Variants in MYCBP2 observed in about 807,000 individuals in gnomAD.
MYCBP2 encodes MYC binding protein 2, also known as E3 ubiquitin-protein ligase MYCBP2.
A neutral mutation model predicts 525.3 loss-of-function variants in MYCBP2; 120 were observed. The ratio of observed to expected loss-of-function variants is 0.23; its 90% confidence interval spans 0.20 to 0.27. The LOEUF (loss-of-function observed/expected upper bound fraction) is 0.27. Among genes scored for constraint, MYCBP2 ranks in the 10% least tolerant of loss-of-function variants. The pLI, the probability that MYCBP2 is intolerant of heterozygous loss-of-function variation, is 1.00. For synonymous variants in MYCBP2, 1,894 were observed against 1,955.8 expected (o/e 0.97, Z 0.83); for missense variants, 4,149 against 5,657.1 (o/e 0.73, Z 8.55).
At chr13:77,311,916 T>C (rs2080287588) in intron 1 of MYCBP2, among the ~76,000 whole-genome samples, 1 of 151,956 alleles carries the variant, frequency 6.6e-6, no homozygotes, top group South Asian at 2.1e-4. Context: ...TCAAAGAGGA[T>C]AAACTTAAAG....
rs756617580 is a variant in MYCBP2, at chr13:77,097,777, T to A, written c.9377A>T (p.Glu3126Val). The change falls in exon 56 of 83, where the codon GAA becomes GTA. Residue 3126 changes from glutamate to valine, a missense_variant. Transcript: ENST00000544440. ...NKNKVLSMLK[E>V]PPLHEKCEDG... is the part of the protein sequence containing the mutation. ...CTCACATTTTTCATGCAGAGGTGGT[T>A]CCTTAAGCATAGACAATACCTTGTT... 1 of 1,613,732 alleles carries A rather than the reference T, an allele frequency of 6.2e-7. No individual in the cohort carries two copies. The highest frequency in any genetic ancestry group is 8.5e-7 in the Non-Finnish European group (1 of 1,179,808).
At chr13:77,153,494 A>T (rs1411775878) in intron 46 of MYCBP2, among the ~76,000 whole-genome samples, 1 of 152,236 alleles carries the variant, frequency 6.6e-6, no homozygotes, top group Non-Finnish European at 1.5e-5. Context: ...ATTTTTATAC[A>T]TACTATTTCA....
rs141783311 is a variant in MYCBP2 at position 77,273,587 on chromosome 13, A to T, written c.830T>A (p.Leu277His). 3 of 1,613,710 alleles carry T rather than the reference A, an allele frequency of 1.9e-6. No individual in the cohort carries two copies. Among genetic ancestry groups the T allele is most frequent in the Non-Finnish European group, 2.5e-6 (3 of 1,179,844 alleles). Residue 277 changes from leucine (L) to histidine (H), a missense_variant, in exon 5 of 83, where the codon CTT (leucine) becomes CAT (histidine). Around this residue, in one of 21 missense-constraint regions of MYCBP2, gnomAD observed 413 missense variants for 451.2 expected, o/e 0.92. Coordinates refer to ENST00000544440, the MANE Select transcript of MYCBP2 (RefSeq NM_015057.5). ...NDSTGQSLTA[L>H]SCACLFSLVA... Reference sequence around the variant, plus strand: ...CAGACTAAAGAGGCAAGCACAGGAAAGTGCTGTTAAGGACTGTCCTGTGCT... The same window carrying T: ...CAGACTAAAGAGGCAAGCACAGGAATGTGCTGTTAAGGACTGTCCTGTGCT...
intron 69 of MYCBP2, among the ~76,000 whole-genome samples, chr13:77,069,880 A>T (rs1193638073): frequency 6.6e-6 from 1 of 151,862 alleles, no homozygotes; most frequent in Non-Finnish European, 1.5e-5. Context: ...AAAAAAAAAA[A>T]GTTAGAATAA....
At chr13:77,171,140 A>C (rs1028390532) in intron 38 of MYCBP2, among the ~76,000 whole-genome samples, 2 of 152,224 alleles carry the variant, frequency 1.3e-5, no homozygotes, top group Admixed American at 6.5e-5. Flanking sequence ...AGGGTACCCC[A>C]GAGTTTTGGG....
chr13:77,070,363 T>C (rs1376715465), intron 69 of MYCBP2, among the ~76,000 whole-genome samples: 1 of 152,214 alleles, frequency 6.6e-6, no homozygotes, highest in Non-Finnish European at 1.5e-5. Context: ...GCTTTGAATG[T>C]GGCCCAACAC....
At chr13:77,061,048 C>A in intron 76 of MYCBP2, 121 bp downstream of exon 76, 9 of 1,082,526 alleles carry the variant, frequency 8.3e-6, no homozygotes, top group Non-Finnish European at 1.2e-5. Context: ...ATATATAGAT[C>A]AATGATGTCA....
intron 44 of MYCBP2, 95 bp from the exon 45 acceptor site, chr13:77,158,204 A>G: frequency 2.9e-6 from 2 of 681,278 alleles, no homozygotes; most frequent in South Asian, 8.0e-5. Context: ...ATAGGCCTTT[A>G]CGGAGAAATC....
chr13:77,184,310 T>C (rs977043145), intron 32 of MYCBP2, among the ~76,000 whole-genome samples: 3 of 152,260 alleles, frequency 2.0e-5, no homozygotes, highest in African/African-American at 7.2e-5. Flanking sequence ...TCCTTTGCTA[T>C]TGATTTTTAC....
rs768527820 is a variant in MYCBP2, at chr13:77,267,860, A to T, written c.1338T>A (p.Asp446Glu). The T allele has an allele frequency of 6.2e-7, 1 of 1,613,430 alleles. No individual in the cohort carries two copies. Among genetic ancestry groups the T allele is most frequent in the Non-Finnish European group, 8.5e-7 (1 of 1,179,554 alleles). ...IRISPETLEQ[D>E]GTVMLPDCHT... The stretch of plus-strand genomic sequence containing the variant: ...ACATACCTGGTAACATCACAGTACC[A>T]TCTTGCTCCAGTGTTTCAGGGCTTA... The change falls in exon 8 of 83, where the codon GAT (aspartate) becomes GAA (glutamate). Residue 446 changes from aspartate to glutamate, a missense_variant. Coordinates refer to ENST00000544440, the MANE Select transcript of MYCBP2 (RefSeq NM_015057.5).
At chr13:77,097,072 T>C (rs539229517) in intron 56 of MYCBP2, among the ~76,000 whole-genome samples, 1 of 152,292 alleles carries the variant, frequency 6.6e-6, no homozygotes, top group Non-Finnish European at 1.5e-5. Context: ...TGTATGGGCA[T>C]GCCACTGTTT....
chr13:77,142,409 G>C (rs1423144114), intron 49 of MYCBP2, among the ~76,000 whole-genome samples: 1 of 152,194 alleles, frequency 6.6e-6, no homozygotes, highest in Non-Finnish European at 1.5e-5. Flanking sequence ...AAGGTCTCTA[G>C]AATGGTACAG....
rs1349709114 is a variant in MYCBP2, at chr13:77,126,414, C to G, written c.7788G>C (p.Thr2596=). Reference sequence around the variant, plus strand: ...TTCTGATGTTGTGACCTGAAGGTCCCGTCTTCACTACCTTGTACATGCCTG... The same window carrying G: ...TTCTGATGTTGTGACCTGAAGGTCCGGTCTTCACTACCTTGTACATGCCTG... ...GGPGMYKVVK[T]GPSGHNIRSC... is the part of the protein sequence containing the mutation. Residue 2596 remains threonine, a synonymous_variant, in exon 53 of 83, where the codon ACG becomes ACC. Coordinates refer to ENST00000544440, the MANE Select transcript of MYCBP2 (RefSeq NM_015057.5). 6.2e-7 allele frequency: 1 copy of G among 1,613,880 alleles called. No homozygotes were observed. Among genetic ancestry groups the G allele is most frequent in the Non-Finnish European group, 8.5e-7 (1 of 1,179,868 alleles).
intron 20 of MYCBP2, 150 bp downstream of exon 20, chr13:77,224,301 A>T: frequency 1.7e-6 from 1 of 605,608 alleles, no homozygotes; most frequent in Non-Finnish European, 2.9e-6. Flanking sequence ...AACCACCAAT[A>T]ATTCATGGGC....
intron 62 of MYCBP2, among the ~76,000 whole-genome samples, chr13:77,084,372 C>T (rs1293470939): frequency 1.3e-5 from 2 of 152,064 alleles, no homozygotes; most frequent in African/African-American, 4.8e-5. Context: ...TTGCTTTTTG[C>T]CTCCTTCTTT....
intron 21 of MYCBP2, among the ~76,000 whole-genome samples, chr13:77,216,881 C>T (rs1203805590): frequency 6.6e-6 from 1 of 152,024 alleles, no homozygotes. Context: ...AGGTAACGGG[C>T]CATAATGTAC....
chr13:77,217,996 A>G, intron 20 of MYCBP2, 39 bp from the exon 21 acceptor site: 1 of 1,360,830 alleles, frequency 7.3e-7, no homozygotes, highest in Non-Finnish European at 1.0e-6. Context: ...ATTTCTTACA[A>G]AACTCAACTA....
At chr13:77,237,125 C>T (rs1452793458) in intron 17 of MYCBP2, among the ~76,000 whole-genome samples, 2 of 152,150 alleles carry the variant, frequency 1.3e-5, no homozygotes, top group Admixed American at 1.3e-4. Flanking sequence ...GTAAAACCCA[C>T]AAAAACTTAC....
Position 77,205,340 on chromosome 13 carries a change from A to C in MYCBP2, c.3759T>G (p.Ala1253=). ...GWGYSAHSVE[A]IRFSADTDIL... ...TATCAGTGTCGGCACTGAAACGTATAGCTTCTACTGAATGGGCAGAATAAC... is the reference window on the plus strand; with the variant it reads ...TATCAGTGTCGGCACTGAAACGTATCGCTTCTACTGAATGGGCAGAATAAC... Residue 1253 remains alanine (A), a synonymous_variant, in exon 26 of 83, where the codon GCT becomes GCG. Transcript: ENST00000544440. The C allele has an allele frequency of 6.2e-7, 1 of 1,613,900 alleles. No individual in the cohort carries two copies. Among genetic ancestry groups the C allele is most frequent in the Non-Finnish European group, 8.5e-7 (1 of 1,179,838 alleles).
Sources: allele counts gnomAD v4.1 joint callset (sites outside exome capture counted in the v4.1 genomes callset), GRCh38; gene constraint gnomAD v4.1.1; regional missense constraint gnomAD v4.1.1; transcripts MANE v1.5; gene names NCBI Gene and HGNC (gene_info 2026-07-23, HGNC 2026-07-21).